Variants in NRCAM observed in about 807,000 individuals in gnomAD.
NRCAM encodes NgCAM-related cell adhesion molecule.
NRCAM carries 83 observed loss-of-function variants against 156.5 expected under a neutral mutation model. That is an observed-to-expected ratio of 0.53 (90% CI 0.44 to 0.64). NRCAM has a LOEUF of 0.64. NRCAM is among the 30% of genes least tolerant of loss of function. The pLI is 0.00. For missense variants in NRCAM, 1,417 were observed against 1,597.3 expected, an observed-to-expected ratio of 0.89 and a Z score of 1.92; for synonymous variants, 538 against 563.9, an observed-to-expected ratio of 0.95 and a Z score of 0.65.
intron 14 of NRCAM, among the ~76,000 whole-genome samples, chr7:108,196,157 C>T (rs184491949): frequency 3.3e-5 from 5 of 152,254 alleles, no homozygotes; most frequent in East Asian, 1.9e-4. Context: ...GTCTTATCCC[C>T]AGCACAGTGT....
At chr7:108,359,147 A>G (rs931149385) in intron 2 of NRCAM, among the ~76,000 whole-genome samples, 1 of 152,098 alleles carries the variant, frequency 6.6e-6, no homozygotes, top group South Asian at 2.1e-4. Flanking sequence ...ACACCTTCCA[A>G]TCCATCAATC....
intron 3 of NRCAM, among the ~76,000 whole-genome samples, chr7:108,290,114 A>C (rs2098240688): frequency 1.3e-5 from 2 of 152,192 alleles, no homozygotes; most frequent in African/African-American, 4.8e-5. Flanking sequence ...TCTCAAAGCC[A>C]ACAAAGGTTA....
intron 2 of NRCAM, among the ~76,000 whole-genome samples, chr7:108,358,138 C>A (rs2099519652): frequency 6.6e-6 from 1 of 151,148 alleles, no homozygotes; most frequent in Non-Finnish European, 1.5e-5. Flanking sequence ...GGCTAGCTGG[C>A]GGCTCACACC....
chr7:108,223,897 C>G, intron 10 of NRCAM, 61 bp from the exon 11 acceptor site: 1 of 811,428 alleles, frequency 1.2e-6, no homozygotes, highest in Non-Finnish European at 2.1e-6. Context: ...ATAAACACTT[C>G]ATTGTCAAAA....
chr7:108,191,032 G>A (rs971894965), intron 19 of NRCAM, among the ~76,000 whole-genome samples: 1 of 152,174 alleles, frequency 6.6e-6, no homozygotes, highest in African/African-American at 2.4e-5. Context: ...AATAGCACAT[G>A]AACTATTTAG....
chr7:108,438,929 G>T (rs1228799903), intron 1 of NRCAM, among the ~76,000 whole-genome samples: 1 of 151,926 alleles, frequency 6.6e-6, no homozygotes, highest in East Asian at 1.9e-4. Context: ...AAAAATGCAA[G>T]ATTTTACATC....
chr7:108,404,852 AG>A (rs1466547336), intron 1 of NRCAM, among the ~76,000 whole-genome samples: 3 of 152,228 alleles, frequency 2.0e-5, no homozygotes, highest in Admixed American at 2.0e-4. Context: ...ATTTGTTGCT[AG>A]GAAGAACGCT....
intron 3 of NRCAM, among the ~76,000 whole-genome samples, chr7:108,298,272 T>C (rs73416361): frequency 0.08 from 12,186 of 151,992 alleles, 605 homozygotes; most frequent in African/African-American, 0.14. Context: ...GTGGGGGATA[T>C]ATGAGGAGAT....
At chr7:108,208,905 C>T (rs2082565539) in intron 12 of NRCAM, among the ~76,000 whole-genome samples, 1 of 152,154 alleles carries the variant, frequency 6.6e-6, no homozygotes, top group Admixed American at 6.5e-5. Context: ...TTCTCCACTC[C>T]AAAGTTACTA....
chr7:108,260,303 C>T (rs2096843374), intron 3 of NRCAM, among the ~76,000 whole-genome samples: 1 of 152,180 alleles, frequency 6.6e-6, no homozygotes, highest in Admixed American at 6.5e-5. Flanking sequence ...AAGTTCATCT[C>T]TGTACTCACA....
intron 3 of NRCAM, among the ~76,000 whole-genome samples, chr7:108,280,303 C>CTTCCTGTTTA (rs3833683): frequency 0.027 from 4,046 of 152,298 alleles, 61 homozygotes; most frequent in South Asian, 0.058. Flanking sequence ...CAGGAAGAGG[C>CTTCCTGTTTA]TTCATATGTG....
intron 28 of NRCAM, among the ~76,000 whole-genome samples, chr7:108,169,757 T>C: frequency 6.6e-6 from 1 of 152,144 alleles, no homozygotes; most frequent in Non-Finnish European, 1.5e-5. Flanking sequence ...TCAATGACAG[T>C]AAATATGCAC....
intron 11 of NRCAM, among the ~76,000 whole-genome samples, chr7:108,214,963 A>ACTGTTATG (rs1354621001): frequency 7.9e-5 from 12 of 152,172 alleles, no homozygotes; most frequent in Non-Finnish European, 1.8e-4. Context: ...GGTCTGACAG[A>ACTGTTATG]CTGTTATGAT....
chr7:108,234,460 C>A, intron 6 of NRCAM, 123 bp downstream of exon 6: 1 of 648,732 alleles, frequency 1.5e-6, no homozygotes, highest in Non-Finnish European at 2.7e-6. Context: ...AAATATCCAA[C>A]TGAAAAAGGA....
chr7:108,342,205 C>G (rs2099291711), intron 2 of NRCAM, among the ~76,000 whole-genome samples: 1 of 152,188 alleles, frequency 6.6e-6, no homozygotes, highest in Non-Finnish European at 1.5e-5. Context: ...GTTCAGAAAC[C>G]TTGTGCCATC....
intron 1 of NRCAM, among the ~76,000 whole-genome samples, chr7:108,427,810 A>C (rs1046370984): frequency 6.6e-6 from 1 of 152,208 alleles, no homozygotes; most frequent in African/African-American, 2.4e-5. Flanking sequence ...CAAATCCAAG[A>C]AACTCCACCA....
intron 1 of NRCAM, among the ~76,000 whole-genome samples, chr7:108,447,143 G>T (rs941139970): frequency 6.6e-6 from 1 of 151,654 alleles, no homozygotes; most frequent in African/African-American, 2.4e-5. Flanking sequence ...AATTTTTCAT[G>T]AATTGAACTT....
intron 3 of NRCAM, among the ~76,000 whole-genome samples, chr7:108,283,439 T>G (rs992861005): frequency 2.6e-5 from 4 of 152,166 alleles, no homozygotes; most frequent in African/African-American, 9.7e-5. Flanking sequence ...TAGTCACAAT[T>G]GAAGGTGATG....
At chr7:108,217,899 G>A (rs1232534928) in intron 11 of NRCAM, among the ~76,000 whole-genome samples, 2 of 152,114 alleles carry the variant, frequency 1.3e-5, no homozygotes, top group Non-Finnish European at 1.5e-5. Context: ...TGGCTCCCTG[G>A]CTTCAGCTCC....
Sources: gnomAD v4.1 joint callset for allele counts (sites outside exome capture counted in the v4.1 genomes callset) on GRCh38, gnomAD v4.1.1 for gene constraint, MANE v1.5 for transcripts, NCBI Gene and HGNC (gene_info 2026-07-23, HGNC 2026-07-21) for gene names.